The following GRM8 variants were observed in gnomAD, a reference collection of about 807,000 sequenced individuals.
GRM8 encodes metabotropic glutamate receptor 8.
In GRM8, 47 loss-of-function variants were observed where a neutral mutation model predicts 87.2. The ratio of observed to expected loss-of-function variants is 0.54; its 90% CI spans 0.43 to 0.69. The LOEUF (loss-of-function observed/expected upper bound fraction) is 0.69, where lower values mean the gene tolerates loss of function less well. Among genes scored for constraint, GRM8 ranks in the 30% least tolerant of loss-of-function variants. The pLI is 0.00. For synonymous variants in GRM8, 396 were observed against 404.5 expected (o/e 0.98, Z 0.25); for missense variants, 1,019 against 1,139.2 (o/e 0.89, Z 1.52).
intron 8 of GRM8, among the ~76,000 whole-genome samples, chr7:126,565,554 A>G (rs1415493565): frequency 6.6e-6 from 1 of 152,126 alleles, no homozygotes; most frequent in Admixed American, 6.6e-5. Flanking sequence ...GACACAAACA[A>G]ATGGAAAGAC....
At chr7:126,686,081 G>A (rs999078398) in intron 7 of GRM8, among the ~76,000 whole-genome samples, 1 of 151,452 alleles carries the variant, frequency 6.6e-6, no homozygotes, top group African/African-American at 2.4e-5. Flanking sequence ...CCCACCCCAG[G>A]GTCTCCTCTC....
At chr7:126,513,814 C>T (rs1302025546) in intron 9 of GRM8, among the ~76,000 whole-genome samples, 4 of 152,016 alleles carry the variant, frequency 2.6e-5, no homozygotes, top group Non-Finnish European at 5.9e-5. Context: ...CTCCATCAGC[C>T]TAAATAGATT....
intron 3 of GRM8, among the ~76,000 whole-genome samples, chr7:127,057,499 A>G (rs1486046905): frequency 6.6e-6 from 1 of 152,216 alleles, no homozygotes; most frequent in African/African-American, 2.4e-5. Flanking sequence ...CATTTTAAAG[A>G]TGGTAGAACT....
chr7:126,498,637 A>G (rs1246802892), intron 9 of GRM8, among the ~76,000 whole-genome samples: 2 of 151,994 alleles, frequency 1.3e-5, no homozygotes, highest in African/African-American at 4.8e-5. Context: ...CTTTTGTCTG[A>G]TTAATGAGCT....
chr7:126,856,720 A>G (rs1053670835), intron 6 of GRM8, among the ~76,000 whole-genome samples: 1 of 152,198 alleles, frequency 6.6e-6, no homozygotes, highest in African/African-American at 2.4e-5. Context: ...TCATCACCTA[A>G]ACCAAGCAAT....
chr7:126,712,807 G>A (rs1284314963), intron 7 of GRM8, among the ~76,000 whole-genome samples: 1 of 152,122 alleles, frequency 6.6e-6, no homozygotes, highest in Non-Finnish European at 1.5e-5. Context: ...CTTCTCAAAA[G>A]AAGACATTTA....
intron 9 of GRM8, among the ~76,000 whole-genome samples, chr7:126,478,454 TC>T (rs1806267737): frequency 6.6e-6 from 1 of 152,072 alleles, no homozygotes; most frequent in South Asian, 2.1e-4. Context: ...TCCATTTTTT[TC>T]CTGTTTATCT....
chr7:126,569,956 C>T (rs2150983208), intron 8 of GRM8, among the ~76,000 whole-genome samples: 1 of 152,170 alleles, frequency 6.6e-6, no homozygotes, highest in East Asian at 1.9e-4. Context: ...ACAACTTATC[C>T]CCATAAGATG....
At chr7:126,922,222 A>C (rs1306759804) in intron 3 of GRM8, among the ~76,000 whole-genome samples, 1 of 152,158 alleles carries the variant, frequency 6.6e-6, no homozygotes, top group Non-Finnish European at 1.5e-5. Flanking sequence ...TTAGTACACT[A>C]GATTAACTGC....
At chr7:127,229,658 A>G (rs897084238) in intron 2 of GRM8, 7 of 152,236 alleles carry the variant, frequency 4.6e-5, no homozygotes, top group Non-Finnish European at 8.8e-5. Context: ...GTGCTGCAGC[A>G]TAAAGAAGAA....
At chr7:126,832,912 A>G (rs1347599749) in intron 6 of GRM8, among the ~76,000 whole-genome samples, 1 of 152,224 alleles carries the variant, frequency 6.6e-6, no homozygotes, top group Non-Finnish European at 1.5e-5. Flanking sequence ...TTAATTTCAG[A>G]AAATTCAATG....
At chr7:127,114,848 A>G (rs1318451535) in intron 2 of GRM8, among the ~76,000 whole-genome samples, 2 of 152,154 alleles carry the variant, frequency 1.3e-5, no homozygotes, top group Non-Finnish European at 2.9e-5. Context: ...TGGGTATTGT[A>G]TGAGTCATAG....
At chr7:126,503,802 C>T (rs1810002386) in intron 9 of GRM8, among the ~76,000 whole-genome samples, 1 of 151,952 alleles carries the variant, frequency 6.6e-6, no homozygotes, top group Admixed American at 6.6e-5. Context: ...ACACCAGTGA[C>T]ATCTGAGCAG....
intron 7 of GRM8, among the ~76,000 whole-genome samples, chr7:126,639,858 T>C (rs1442928380): frequency 6.6e-6 from 1 of 152,212 alleles, no homozygotes; most frequent in Non-Finnish European, 1.5e-5. Context: ...AAGCACTCTC[T>C]AGTTGGATGA....
intron 3 of GRM8, among the ~76,000 whole-genome samples, chr7:127,047,598 G>A (rs1268493865): frequency 6.6e-6 from 1 of 152,084 alleles, no homozygotes; most frequent in South Asian, 2.1e-4. Context: ...GGAGGCTGAG[G>A]CAGGAGTATC....
Position 126,438,780 on chromosome 7 carries a change from A to G in GRM8, c.*339T>C. On this transcript the variant is annotated 3_prime_UTR_variant, in exon 11 of 11. Coordinates refer to ENST00000339582, the MANE Select transcript of GRM8 (RefSeq NM_000845.3). Reference sequence around the variant, plus strand: ...TGGGACAGGAACGGGAGTTCTCACAATCACAGAAAAATACAAGAATAACAT... The same window carrying G: ...TGGGACAGGAACGGGAGTTCTCACAGTCACAGAAAAATACAAGAATAACAT... 1 of 231,046 alleles carries G rather than the reference A, an allele frequency of 4.3e-6. No individual in the cohort carries two copies. The highest frequency in any genetic ancestry group is 7.9e-5 in the South Asian group (1 of 12,648). The allele number at this position is 231,046 out of a possible 1,614,324, so 14.3% of individuals were successfully genotyped here. A position where few individuals can be genotyped will look rare whatever the true frequency, so the allele number is the denominator to read the frequency against.
At chr7:126,603,039 G>C (rs1463137028) in intron 8 of GRM8, among the ~76,000 whole-genome samples, 2 of 147,952 alleles carry the variant, frequency 1.4e-5, no homozygotes, top group African/African-American at 2.5e-5. Flanking sequence ...TATCCACCAT[G>C]ATCAAGTTGG....
chr7:126,647,784 C>T (rs1185054043), intron 7 of GRM8, among the ~76,000 whole-genome samples: 2 of 152,158 alleles, frequency 1.3e-5, no homozygotes, highest in African/African-American at 2.4e-5. Flanking sequence ...TAAGTTGAAT[C>T]ACCATTATCT....
chr7:126,680,190 T>C (rs983908205), intron 7 of GRM8, among the ~76,000 whole-genome samples: 3 of 152,120 alleles, frequency 2.0e-5, no homozygotes, highest in Admixed American at 6.5e-5. Context: ...CTGGTAGTTA[T>C]TTATGGTGCA....
Sources: allele counts gnomAD v4.1 joint callset (sites outside exome capture counted in the v4.1 genomes callset), GRCh38; gene constraint gnomAD v4.1.1; transcripts MANE v1.5; gene names NCBI Gene and HGNC (gene_info 2026-07-23, HGNC 2026-07-21).